The following CPEB4 variants were observed in gnomAD, a reference collection of about 807,000 sequenced individuals.
The protein encoded by CPEB4 is cytoplasmic polyadenylation element binding protein 4.
In CPEB4, 12 loss-of-function variants were observed where a neutral mutation model predicts 72.5. The ratio of observed to expected loss-of-function variants is 0.17; its 90% CI spans 0.11 to 0.27. The LOEUF (loss-of-function observed/expected upper bound fraction) is 0.27, where lower values mean the gene tolerates loss of function less well. Ranked by LOEUF, CPEB4 falls within the 10% of genes least tolerant of loss-of-function variation. The probability of loss-of-function intolerance (pLI) is 1.00; values close to 1 mark genes in which losing one functional copy is unlikely to be tolerated. For missense variants in CPEB4, 614 were observed against 908.5 expected (o/e 0.68, Z 4.17); for synonymous variants, 302 against 326.3 (o/e 0.93, Z 0.80).
At chr5:173,940,643 T>G (rs1031640857) in intron 3 of CPEB4, among the ~76,000 whole-genome samples, 18 of 152,234 alleles carry the variant, frequency 1.2e-4, no homozygotes, top group Non-Finnish European at 2.5e-4. Flanking sequence ...TATTTTTGTG[T>G]ATATGTCATA....
intron 1 of CPEB4, among the ~76,000 whole-genome samples, chr5:173,893,858 T>A (rs1022523602): frequency 2.6e-5 from 4 of 152,102 alleles, no homozygotes; most frequent in Non-Finnish European, 5.9e-5. Flanking sequence ...TTCATAATCC[T>A]CCCCCCCAAT....
intron 1 of CPEB4, chr5:173,893,252 A>C (rs1243611218): frequency 6.6e-6 from 1 of 152,204 alleles, no homozygotes; most frequent in African/African-American, 2.4e-5. Context: ...AAAAACCAAT[A>C]ATTCTTGTGA....
Position 173,950,514 on chromosome 5 carries a change from A to G in CPEB4, c.1665+436A>G, listed in dbSNP as rs1355961625. 6.6e-6 allele frequency among the ~76,000 whole-genome samples: 1 copy of G among 152,174 alleles called. No homozygotes were observed. The highest frequency in any genetic ancestry group is 1.5e-5 in the Non-Finnish European group (1 of 68,032). On this transcript the variant is annotated intron_variant, in intron 7 of 9. Transcript: ENST00000265085. This position sits in a 1 kb window ranked among gnomAD's most constrained non-coding sequence, Gnocchi z 5.0. Reference sequence around the variant, plus strand: ...CAGCTACTTGGGAGACTGAGGCAGGACAATCACCTGAACCCAGGAGGCGGA... The same window carrying G: ...CAGCTACTTGGGAGACTGAGGCAGGGCAATCACCTGAACCCAGGAGGCGGA...
chr5:173,889,288 C>T lies in CPEB4; in HGVS notation c.-446C>T, dbSNP rs1198942377. 2.0e-5 allele frequency: 3 copies of T among 152,406 alleles called. No homozygotes were observed. Among genetic ancestry groups the T allele is most frequent in the African/African-American group, 7.2e-5 (3 of 41,392 alleles). The allele number at this position is 152,406 out of a possible 1,614,324, so 9.4% of individuals were successfully genotyped here. Reference sequence around the variant, plus strand: ...TAATTTTTATGTGAGTGAATCTAAACTGCTGAGGAAAACCATATGTGATTG... The same window carrying T: ...TAATTTTTATGTGAGTGAATCTAAATTGCTGAGGAAAACCATATGTGATTG... On this transcript the variant is annotated 5_prime_UTR_variant, in exon 1 of 10. Coordinates refer to ENST00000265085, the MANE Select transcript of CPEB4 (RefSeq NM_030627.4).
chr5:173,927,213 C>T (rs920442379), intron 2 of CPEB4, among the ~76,000 whole-genome samples: 2 of 152,064 alleles, frequency 1.3e-5, no homozygotes, highest in African/African-American at 4.8e-5. Context: ...CAGGCAGGTA[C>T]TGGGTTATAT....
chr5:173,901,213 C>A (rs1756219876), intron 1 of CPEB4, among the ~76,000 whole-genome samples: 1 of 152,172 alleles, frequency 6.6e-6, no homozygotes, highest in Admixed American at 6.5e-5. Context: ...AAAAAATGTT[C>A]TCAGAGGCTT....
At chr5:173,947,676 A>G (rs1342248383) in intron 5 of CPEB4, among the ~76,000 whole-genome samples, 5 of 152,218 alleles carry the variant, frequency 3.3e-5, no homozygotes, top group Non-Finnish European at 7.3e-5. Context: ...TTTTGTAAGT[A>G]CATACACAGA....
At chr5:173,908,335 G>A (rs1440828121) in intron 1 of CPEB4, among the ~76,000 whole-genome samples, 2 of 152,164 alleles carry the variant, frequency 1.3e-5, no homozygotes, top group Non-Finnish European at 2.9e-5. Context: ...AAGAGGTGGG[G>A]CAAAGATGTT....
chr5:173,927,711 A>C (rs1280586171), intron 2 of CPEB4, among the ~76,000 whole-genome samples: 1 of 151,650 alleles, frequency 6.6e-6, no homozygotes, highest in Admixed American at 6.6e-5. Flanking sequence ...CAGGAAGCAG[A>C]GGTTGCAGTA....
At chr5:173,954,111 A>C (rs1034816842) in intron 9 of CPEB4, among the ~76,000 whole-genome samples, 1 of 152,194 alleles carries the variant, frequency 6.6e-6, no homozygotes, top group Non-Finnish European at 1.5e-5. Flanking sequence ...ACTTTCATGC[A>C]TGCTGACTTT....
Position 173,949,617 on chromosome 5 carries a change from A to T in CPEB4, c.1546+20A>T. ...CTAAAGGTAATTCTCAAGATTCATT[A>T]TACTTATGTAATTTATTCTTACATT... is the stretch of plus-strand genomic sequence containing the variant. On this transcript the variant is annotated intron_variant, in intron 6 of 9. Coordinates refer to ENST00000265085, the MANE Select transcript of CPEB4 (RefSeq NM_030627.4). 1 of 1,481,706 alleles carries T rather than the reference A, an allele frequency of 6.7e-7. No individual in the cohort carries two copies. The highest frequency in any genetic ancestry group is 1.7e-5 in the Admixed American group (1 of 58,244). 91.8% of individuals were successfully genotyped at this position (1,481,706 alleles called of 1,614,324 possible). A position where few individuals can be genotyped will look rare whatever the true frequency, so the allele number is the denominator to read the frequency against.
chr5:173,934,917 C>A (rs1581152254), intron 3 of CPEB4, among the ~76,000 whole-genome samples: 1 of 152,300 alleles, frequency 6.6e-6, no homozygotes, highest in East Asian at 1.9e-4. Context: ...AAATTAACCT[C>A]ATTCATGTAT....
At chr5:173,901,208 A>G (rs1319815054) in intron 1 of CPEB4, among the ~76,000 whole-genome samples, 4 of 152,238 alleles carry the variant, frequency 2.6e-5, no homozygotes, top group Non-Finnish European at 1.5e-5. Flanking sequence ...GCAATAAAAA[A>G]TGTTCTCAGA....
At chr5:173,891,249 A>T (rs73806648) in intron 1 of CPEB4, 2,106 of 152,372 alleles carry the variant, frequency 0.014, 52 homozygotes, top group African/African-American at 0.047. Context: ...TGAAGTAACT[A>T]TATAACTAAA....
At chr5:173,936,738 C>T (rs1490190953) in intron 3 of CPEB4, among the ~76,000 whole-genome samples, 1 of 152,076 alleles carries the variant, frequency 6.6e-6, no homozygotes, top group African/African-American at 2.4e-5. Flanking sequence ...GATTAGTTTT[C>T]CTCTTACCCA....
In CPEB4 at chr5:173,890,143, C is replaced by A; in HGVS notation, c.410C>A (p.Ser137Tyr). The A allele has an allele frequency of 6.2e-7, 1 of 1,614,144 alleles. No individual in the cohort carries two copies. The highest frequency in any genetic ancestry group is 8.5e-7 in the Non-Finnish European group (1 of 1,180,028). Residue 137 changes from serine to tyrosine, a missense_variant, in exon 1 of 10, where the codon TCT becomes TAT. Physicochemically the swap from Ser to Tyr is moderately radical, Grantham distance 144 (BLOSUM62 -2). Transcript: ENST00000265085. ...GGGAAGGAGAAAATAAGGATCGAAT[C>A]TCCAGTGTTGACAGGGTTTGATTAT... ...GNGKEKIRIE[S>Y]PVLTGFDYQE...
intron 9 of CPEB4, chr5:173,953,543 A>C: frequency 5.1e-6 from 2 of 393,272 alleles, no homozygotes; most frequent in Non-Finnish European, 9.0e-6. Context: ...CCGTCCATTC[A>C]TTCACTTAGT....
chr5:173,949,013 A>G (rs557622722), intron 5 of CPEB4, among the ~76,000 whole-genome samples: 1 of 152,328 alleles, frequency 6.6e-6, no homozygotes, highest in East Asian at 1.9e-4. Context: ...AATATGAAAG[A>G]CAAGAAAGAA....
chr5:173,890,578 C>T lies in CPEB4; in HGVS notation c.845C>T (p.Pro282Leu), dbSNP rs200272697. ...TTGGCGAATAATCTTAACAAACCCC[C>T]CTCTCCGTGGAGCAGCTACCAGAGT... ...PHLANNLNKP[P>L]SPWSSYQSPS... Residue 282 changes from proline (P) to leucine (L), a missense_variant, in exon 1 of 10, where the codon CCC (proline) becomes CTC (leucine). Pro to Leu is a moderately conservative substitution (Grantham distance 98). This residue lies in a region of CPEB4 where 458 missense variants were observed against 548.6 expected (regional missense o/e 0.83). Coordinates refer to ENST00000265085, the MANE Select transcript of CPEB4 (RefSeq NM_030627.4). 4 of 1,614,174 alleles carry T rather than the reference C, an allele frequency of 2.5e-6. No homozygotes were observed. In the South Asian group the frequency reaches 3.3e-5, roughly 13 times the overall value.
Sources: gnomAD v4.1 joint callset for allele counts (sites outside exome capture counted in the v4.1 genomes callset) on GRCh38, gnomAD v4.1.1 for gene constraint, gnomAD v4.1.1 regional missense constraint, Gnocchi (gnomAD v3.1) non-coding constraint, MANE v1.5 for transcripts, NCBI Gene and HGNC (gene_info 2026-07-23, HGNC 2026-07-21) for gene names.